Variants in SS18 observed in about 807,000 individuals in gnomAD.
SS18 encodes the protein SS18 subunit of BAF chromatin remodeling complex.
SS18 carries 28 observed loss-of-function variants against 72.5 expected under a neutral mutation model. That is an observed-to-expected ratio of 0.39 (90% CI 0.29 to 0.53). The LOEUF is 0.53. SS18 is among the 20% of genes least tolerant of loss of function. The pLI is 0.76. For missense variants in SS18, 518 were observed against 535.3 expected, an observed-to-expected ratio of 0.97 and a Z score of 0.32; for synonymous variants, 172 against 164.2, an observed-to-expected ratio of 1.05 and a Z score of -0.37.
intron 2 of SS18, among the ~76,000 whole-genome samples, chr18:26,078,610 G>A (rs2054460356): frequency 1.3e-5 from 2 of 152,168 alleles, no homozygotes; most frequent in South Asian, 4.2e-4. Flanking sequence ...TCTCAGCTGG[G>A]CACAGTGGCT....
At chr18:26,055,914 C>T (rs552841161) in intron 4 of SS18, among the ~76,000 whole-genome samples, 26 of 152,034 alleles carry the variant, frequency 1.7e-4, no homozygotes, top group African/African-American at 4.8e-4. Flanking sequence ...TGCAATACCA[C>T]GTCCAGCTAA....
intron 10 of SS18, among the ~76,000 whole-genome samples, chr18:26,023,818 A>T (rs2143785840): frequency 6.7e-6 from 1 of 150,160 alleles, no homozygotes; most frequent in East Asian, 1.9e-4. Context: ...CAAAAACGGT[A>T]ACTACATGGG....
intron 5 of SS18, among the ~76,000 whole-genome samples, chr18:26,044,737 T>C (rs974869294): frequency 2.6e-5 from 4 of 152,096 alleles, no homozygotes; most frequent in African/African-American, 9.7e-5. Flanking sequence ...GGATTTCCTG[T>C]AGCTCCTTTC....
intron 1 of SS18, among the ~76,000 whole-genome samples, chr18:26,087,969 CAAT>C (rs903676550): frequency 2.0e-5 from 3 of 152,112 alleles, no homozygotes; most frequent in Admixed American, 6.5e-5. Flanking sequence ...ACAATCTTTT[CAAT>C]AACTGAGTTT....
upstream of SS18, chr18:26,090,707 G>A: frequency 2.3e-6 from 2 of 881,984 alleles, no homozygotes; most frequent in African/African-American, 1.7e-5. Context: ...GCGGACGGGC[G>A]GCGGGGCAGG....
At chr18:26,060,040 T>C (rs1489852532) in intron 3 of SS18, among the ~76,000 whole-genome samples, 1 of 152,220 alleles carries the variant, frequency 6.6e-6, no homozygotes, top group African/African-American at 2.4e-5. Context: ...GCAACTCCAT[T>C]CCTGGTACAT....
intron 10 of SS18, among the ~76,000 whole-genome samples, chr18:26,023,235 AG>A (rs1645020306): frequency 6.6e-6 from 1 of 152,252 alleles, no homozygotes; most frequent in African/African-American, 2.4e-5. Context: ...TTGGCAGAAG[AG>A]GATATTAAAA....
chr18:26,036,848 C>CA (rs1415951725), intron 7 of SS18, among the ~76,000 whole-genome samples: 1 of 152,036 alleles, frequency 6.6e-6, no homozygotes, highest in Non-Finnish European at 1.5e-5. Flanking sequence ...TGGCCAGTGG[C>CA]AAGTTTTTGT....
intron 10 of SS18, among the ~76,000 whole-genome samples, chr18:26,025,766 GAAT>G (rs1489014511): frequency 6.6e-6 from 1 of 151,174 alleles, no homozygotes; most frequent in Non-Finnish European, 1.5e-5. Context: ...ATTTTAGAAA[GAAT>G]AATGCCAATT....
intron 2 of SS18, chr18:26,079,161 G>A (rs2054472505): frequency 6.6e-6 from 1 of 152,102 alleles, no homozygotes; most frequent in Non-Finnish European, 1.5e-5. Context: ...AACAAAAGAT[G>A]GAAGAAATGT....
chr18:26,088,466 TAC>T (rs1257012022), intron 1 of SS18, among the ~76,000 whole-genome samples: 1 of 152,228 alleles, frequency 6.6e-6, no homozygotes, highest in African/African-American at 2.4e-5. Context: ...GTATATTTGT[TAC>T]AGACTTTATG....
rs1263539481 is a variant in SS18 at position 26,032,407 on chromosome 18, AT to A, written c.1221del (p.Tyr408MetfsTer19). ...CCGGTCAAACTACTTACCTGGTCAT[AT>A]CCATAAGGCCTCTGCTGGGGTGGCT... The part of the protein sequence containing the change: ...PPQPPQQRPY[G>X]YDQGQYGNYQ... On this transcript the variant is annotated frameshift_variant, in exon 10 of 11. Transcript: ENST00000415083. LOFTEE classifies it high-confidence loss of function. 1 of 1,613,630 alleles carries A rather than the reference AT, an allele frequency of 6.2e-7. No homozygotes were observed. Among genetic ancestry groups the A allele is most frequent in the Non-Finnish European group, 8.5e-7 (1 of 1,179,776 alleles).
intron 3 of SS18, 135 bp from the exon 4 acceptor site, chr18:26,057,877 T>C (rs2054051844): frequency 2.5e-6 from 2 of 801,596 alleles, no homozygotes; most frequent in African/African-American, 3.5e-5. Context: ...TTCTAATGCA[T>C]TTTCATCATG....
At chr18:26,090,392 G>C (rs1385369992) in intron 1 of SS18, 109 bp downstream of exon 1, 1 of 1,108,276 alleles carries the variant, frequency 9.0e-7, no homozygotes, top group Non-Finnish European at 1.3e-6. Flanking sequence ...ATTCCCAGCA[G>C]GCCCGCCTCC....
intron 5 of SS18, among the ~76,000 whole-genome samples, chr18:26,047,560 G>A (rs772448187): frequency 1.3e-4 from 20 of 152,194 alleles, no homozygotes; most frequent in African/African-American, 4.8e-5. Flanking sequence ...AATTCCAGCC[G>A]GGCGTGGTGG....
intron 3 of SS18, among the ~76,000 whole-genome samples, chr18:26,063,649 T>G (rs925835076): frequency 6.6e-6 from 1 of 152,238 alleles, no homozygotes; most frequent in Non-Finnish European, 1.5e-5. Context: ...AGATGCAGTT[T>G]AAGCTATGCT....
In SS18 at chr18:26,035,043, G is replaced by T; in HGVS notation, c.1058C>A (p.Pro353Gln). 1.9e-6 allele frequency: 3 copies of T among 1,613,486 alleles called. No homozygotes were observed. The highest frequency in any genetic ancestry group is 2.5e-6 in the Non-Finnish European group (3 of 1,179,614). ...QGYPPQQQQY[P>Q]GQQGYPGQQQ... ...CTGTCCTGGGTAACCTTGCTGCCCTGGGTACTGCTGCTGCTGGGGTGGATA... is the reference window on the plus strand; with the variant it reads ...CTGTCCTGGGTAACCTTGCTGCCCTTGGTACTGCTGCTGCTGGGGTGGATA... Residue 353 changes from proline (P) to glutamine (Q), a missense_variant, in exon 9 of 11, where the codon CCA becomes CAA. Physicochemically the swap from Pro to Gln is moderately conservative, Grantham distance 76. Coordinates refer to ENST00000415083, the MANE Select transcript of SS18 (RefSeq NM_001007559.3). The surrounding 1 kb of genome is among the most constrained non-coding windows in gnomAD (Gnocchi z 4.4).
chr18:26,059,699 G>A (rs2054086096), intron 3 of SS18, among the ~76,000 whole-genome samples: 2 of 152,170 alleles, frequency 1.3e-5, no homozygotes, highest in Admixed American at 1.3e-4. Flanking sequence ...ATAGATTCAA[G>A]GTAACCTCCT....
chr18:26,029,323 A>G (rs2053504406), intron 10 of SS18, among the ~76,000 whole-genome samples: 2 of 152,322 alleles, frequency 1.3e-5, no homozygotes, highest in South Asian at 4.2e-4. Context: ...CAGGGTTGTA[A>G]GCAGAGAGGT....
Sources: allele counts gnomAD v4.1 joint callset (sites outside exome capture counted in the v4.1 genomes callset), GRCh38; gene constraint gnomAD v4.1.1; non-coding constraint Gnocchi (gnomAD v3.1); transcripts MANE v1.5; gene names NCBI Gene and HGNC (gene_info 2026-07-23, HGNC 2026-07-21).